The following STOX2 variants were observed in gnomAD, a reference collection of about 807,000 sequenced individuals.
STOX2 encodes the protein storkhead box 2, also known as storkhead-box protein 2.
STOX2 carries 28 observed loss-of-function variants against 60.9 expected under a neutral mutation model. The ratio of observed to expected loss-of-function variants is 0.46; its 90% CI spans 0.34 to 0.63. The LOEUF (loss-of-function observed/expected upper bound fraction) is 0.63, where lower values mean the gene tolerates loss of function less well. STOX2 is among the 30% of genes least tolerant of loss of function. The probability of loss-of-function intolerance (pLI) is 0.01; values close to 1 mark genes in which losing one functional copy is unlikely to be tolerated. For missense variants in STOX2, 1,024 were observed against 1,187.7 expected (o/e 0.86, Z 2.03); for synonymous variants, 472 against 463.9 (o/e 1.02, Z -0.22).
chr4:183,861,040 G>C (rs969088552), intron 1 of STOX2, among the ~76,000 whole-genome samples: 2 of 152,054 alleles, frequency 1.3e-5, no homozygotes, highest in East Asian at 3.9e-4. Flanking sequence ...TTGTTGTTAC[G>C]GTACACTAAT....
rs1332928342 is a variant in STOX2, at chr4:184,011,547, A to C, written c.2585+124A>C. The C allele has an allele frequency of 1.3e-6, 2 of 1,561,926 alleles. No individual in the cohort carries two copies. The highest frequency in any genetic ancestry group is 1.7e-6 in the Non-Finnish European group (2 of 1,155,160). ...ATGGATGAGGGTTAAGAGTTGTATGAGTTGTATTGTTAACAATCTGTTTCT... is the reference window on the plus strand; with the variant it reads ...ATGGATGAGGGTTAAGAGTTGTATGCGTTGTATTGTTAACAATCTGTTTCT... On this transcript the variant is annotated intron_variant, in intron 3 of 3. Transcript: ENST00000308497. The surrounding 1 kb of genome is among the most constrained non-coding windows in gnomAD (Gnocchi z 4.4).
At chr4:183,884,291 T>C (rs1439370612) in intron 1 of STOX2, among the ~76,000 whole-genome samples, 1 of 140,976 alleles carries the variant, frequency 7.1e-6, no homozygotes, top group Non-Finnish European at 1.6e-5. Flanking sequence ...TCATCTTTGT[T>C]GGTTGTCTCT....
chr4:183,807,619 AC>A (rs1738935515), intron 1 of STOX2, among the ~76,000 whole-genome samples: 1 of 151,614 alleles, frequency 6.6e-6, no homozygotes, highest in Admixed American at 6.6e-5. Context: ...CCCCACACCC[AC>A]CCCACTCCCA....
At chr4:183,969,697 G>C (rs1470866141) in intron 1 of STOX2, among the ~76,000 whole-genome samples, 1 of 151,878 alleles carries the variant, frequency 6.6e-6, no homozygotes, top group African/African-American at 2.4e-5. Flanking sequence ...ATAGCTGACT[G>C]CAACCTTCAA....
intron 1 of STOX2, among the ~76,000 whole-genome samples, chr4:183,935,875 A>G (rs1375230597): frequency 6.6e-6 from 1 of 152,234 alleles, no homozygotes; most frequent in African/African-American, 2.4e-5. Flanking sequence ...GAGTGATAAC[A>G]AAGTGAAATG....
chr4:184,015,764 A>T (rs1734343302), intron 3 of STOX2: 1 of 152,010 alleles, frequency 6.6e-6, no homozygotes, highest in Non-Finnish European at 1.5e-5. Context: ...GTGGGGACCA[A>T]CTCTCAGAGA....
At chr4:183,895,469 T>A (rs955588289) in intron 1 of STOX2, among the ~76,000 whole-genome samples, 1 of 152,158 alleles carries the variant, frequency 6.6e-6, no homozygotes, top group Non-Finnish European at 1.5e-5. Context: ...AGGCATAAAA[T>A]GATTATAAAG....
chr4:183,952,507 T>C (rs1743124198), intron 1 of STOX2, among the ~76,000 whole-genome samples: 1 of 152,222 alleles, frequency 6.6e-6, no homozygotes, highest in South Asian at 2.1e-4. Flanking sequence ...ATTTTCATTG[T>C]AAACATTTGA....
chr4:183,934,384 A>G (rs916976304), intron 1 of STOX2, among the ~76,000 whole-genome samples: 5 of 152,230 alleles, frequency 3.3e-5, no homozygotes, highest in African/African-American at 1.2e-4. Flanking sequence ...TCTATCCTGA[A>G]TGCCTTGGCC....
chr4:183,921,246 A>T lies in STOX2; in HGVS notation c.166+14290A>T, dbSNP rs779090929. 2.6e-5 allele frequency among the ~76,000 whole-genome samples: 4 copies of T among 152,342 alleles called. No homozygotes were observed. The Middle Eastern group carries it at 0.01, about 389-fold the overall frequency. On this transcript the variant is annotated intron_variant, in intron 1 of 3. Transcript: ENST00000308497. ...GAACTGGGGGCAAAGAAGAAGTTCTATGGGTTTGCATGGTGTAAGATAAAA... is the reference window on the plus strand; with the variant it reads ...GAACTGGGGGCAAAGAAGAAGTTCTTTGGGTTTGCATGGTGTAAGATAAAA...
chr4:183,888,955 A>C (rs922707693), intron 1 of STOX2, among the ~76,000 whole-genome samples: 1 of 151,920 alleles, frequency 6.6e-6, no homozygotes, highest in South Asian at 2.1e-4. Flanking sequence ...TGTCAGGAAA[A>C]CACAGTTACC....
chr4:183,996,530 G>T (rs745507506), intron 1 of STOX2, among the ~76,000 whole-genome samples: 35 of 152,100 alleles, frequency 2.3e-4, no homozygotes, highest in Admixed American at 7.2e-4. Context: ...AATAAATGTG[G>T]TCCGGTAGTT....
At chr4:183,814,617 A>G (rs779835972) in intron 1 of STOX2, among the ~76,000 whole-genome samples, 12 of 152,196 alleles carry the variant, frequency 7.9e-5, no homozygotes, top group Admixed American at 7.2e-4. Flanking sequence ...AAATAGATAA[A>G]TGAGTGAGCA....
chr4:183,919,422 G>A lies in STOX2; in HGVS notation c.166+12466G>A, dbSNP rs931578593. 6.6e-5 allele frequency among the ~76,000 whole-genome samples: 10 copies of A among 152,166 alleles called. No individual in the cohort carries two copies. In the South Asian group the frequency reaches 1.4e-3, roughly 22 times the overall value. On this transcript the variant is annotated intron_variant, in intron 1 of 3. Transcript: ENST00000308497. ...GTGGGGTTTATGGTTCCGCAGTCGT[G>A]GAGTCAGGCCCCGCCGGGAGGTGTC... is the stretch of plus-strand genomic sequence containing the variant.
intron 1 of STOX2, among the ~76,000 whole-genome samples, chr4:183,890,316 C>G (rs1741177104): frequency 6.6e-6 from 1 of 151,978 alleles, no homozygotes; most frequent in Admixed American, 6.6e-5. Flanking sequence ...AATCCCGTCT[C>G]TACTAAAAAT....
chr4:184,004,866 A>C (rs956855673), intron 2 of STOX2, among the ~76,000 whole-genome samples: 1 of 152,218 alleles, frequency 6.6e-6, no homozygotes, highest in Non-Finnish European at 1.5e-5. Flanking sequence ...AGCTGTTACA[A>C]CTGAATCTTT....
intron 1 of STOX2, chr4:183,798,936 C>A: frequency 2.1e-5 from 6 of 289,468 alleles, no homozygotes; most frequent in Non-Finnish European, 2.7e-5. Flanking sequence ...AATAGTAAAG[C>A]TTTAGGAAAC....
In STOX2 at chr4:183,961,225, CTT is replaced by C. The variant is rs1324399237; in HGVS notation, c.167-40097_167-40096del. On this transcript the variant is annotated intron_variant, in intron 1 of 3. Coordinates refer to ENST00000308497, the MANE Select transcript of STOX2 (RefSeq NM_020225.3). Reference sequence around the variant, plus strand: ...CACAAATGGGAAGCATGTGAGCAAGCTTTTGGACAGAGCTCACCGAGCTGTCA... The same window carrying C: ...CACAAATGGGAAGCATGTGAGCAAGCTTGGACAGAGCTCACCGAGCTGTCA... 9.2e-5 allele frequency among the ~76,000 whole-genome samples: 14 copies of C among 152,178 alleles called. 1 individual carries two copies. The highest frequency in any genetic ancestry group is 7.8e-4 in the Admixed American group (12 of 15,288).
At chr4:183,989,194 G>T (rs11731882) in intron 1 of STOX2, among the ~76,000 whole-genome samples, 4,420 of 67,418 alleles carry the variant, frequency 0.066, 110 homozygotes, top group South Asian at 0.11. Flanking sequence ...TTTTTTTTTT[G>T]TTTGTTTGGT....
Sources: gnomAD v4.1 joint callset for allele counts (sites outside exome capture counted in the v4.1 genomes callset) on GRCh38, gnomAD v4.1.1 for gene constraint, Gnocchi (gnomAD v3.1) non-coding constraint, MANE v1.5 for transcripts, NCBI Gene and HGNC (gene_info 2026-07-23, HGNC 2026-07-21) for gene names.